SYN3: variants seen among roughly 807,000 people sequenced by gnomAD.
The protein encoded by SYN3 is synapsin III, also known as synapsin-3.
SYN3 carries 35 observed loss-of-function variants against 65.8 expected under a neutral mutation model. The observed-to-expected ratio is 0.53, with a 90% CI of 0.41 to 0.70. SYN3 has a LOEUF of 0.70. SYN3 is among the 30% of genes least tolerant of loss of function. SYN3 has a pLI of 0.00. For synonymous variants in SYN3, 270 were observed against 292.9 expected, an observed-to-expected ratio of 0.92 and a Z score of 0.80; for missense variants, 680 against 749.0, an observed-to-expected ratio of 0.91 and a Z score of 1.08.
At chr22:32,833,946 T>C (rs113946525) in intron 6 of SYN3, 1 of 488,006 alleles carries the variant, frequency 2.0e-6, no homozygotes, top group African/African-American at 2.0e-5. Context: ...ATTTTTATAA[T>C]TAGGGAAAGT....
rs142711773 is a variant in SYN3, at chr22:32,742,830, C to T, written c.711+122085G>A. ...TGCTTTAAAATATTCCGTCTTATCACGCCATTAATAGCAACACTAGCAACA... is the reference window on the plus strand; with the variant it reads ...TGCTTTAAAATATTCCGTCTTATCATGCCATTAATAGCAACACTAGCAACA... On this transcript the variant is annotated intron_variant, in intron 6 of 13. Coordinates refer to ENST00000358763, the MANE Select transcript of SYN3 (RefSeq NM_003490.4). 1.5e-3 allele frequency among the ~76,000 whole-genome samples: 221 copies of T among 152,282 alleles called. 1 individual carries two copies. Among genetic ancestry groups the T allele is most frequent in the Admixed American group, 2.9e-3 (45 of 15,294 alleles).
intron 1 of SYN3, among the ~76,000 whole-genome samples, chr22:33,028,691 ATGGTGGTGG>A (rs1170552905): frequency 1.7e-3 from 74 of 43,142 alleles, no homozygotes; most frequent in South Asian, 6.5e-3. Context: ...GGTGGTGGTG[ATGGTGGTGG>A]TGGTGGTGGT....
At chr22:32,663,902 A>C (rs1247612793) in intron 6 of SYN3, among the ~76,000 whole-genome samples, 2 of 151,556 alleles carry the variant, frequency 1.3e-5, no homozygotes, top group Non-Finnish European at 2.9e-5. Context: ...GGAAAGAAAA[A>C]GCTTTATATT....
At chr22:32,914,788 C>T (rs1317293743) in intron 4 of SYN3, among the ~76,000 whole-genome samples, 1 of 152,118 alleles carries the variant, frequency 6.6e-6, no homozygotes. Context: ...CATGGAAGCT[C>T]ACTAGCTTAT....
In SYN3 at chr22:32,869,980, T is replaced by A. The variant is rs1179727973; in HGVS notation, c.462-855A>T. 2.6e-5 allele frequency among the ~76,000 whole-genome samples: 4 copies of A among 152,106 alleles called. No individual in the cohort carries two copies. The East Asian group carries it at 7.7e-4, about 29-fold the overall frequency. Reference sequence around the variant, plus strand: ...CCAAGTCCACATGCTTTTGACTCCATCACAGGGCCCCAGGAGGATTCACAC... The same window carrying A: ...CCAAGTCCACATGCTTTTGACTCCAACACAGGGCCCCAGGAGGATTCACAC... On this transcript the variant is annotated intron_variant, in intron 4 of 13. Coordinates refer to ENST00000358763, the MANE Select transcript of SYN3 (RefSeq NM_003490.4).
chr22:32,617,921 T>C (rs1309054113), intron 6 of SYN3, among the ~76,000 whole-genome samples: 2 of 152,004 alleles, frequency 1.3e-5, no homozygotes, highest in African/African-American at 2.4e-5. Context: ...ACCTCTTCTA[T>C]CTGCCTTAGT....
chr22:32,721,520 C>T (rs2061117665), intron 6 of SYN3, among the ~76,000 whole-genome samples: 1 of 152,194 alleles, frequency 6.6e-6, no homozygotes, highest in Non-Finnish European at 1.5e-5. Flanking sequence ...TTTGATACAA[C>T]CCATTTCATT....
intron 6 of SYN3, among the ~76,000 whole-genome samples, chr22:32,703,878 A>G (rs2060844018): frequency 6.6e-6 from 1 of 152,192 alleles, no homozygotes; most frequent in Non-Finnish European, 1.5e-5. Flanking sequence ...TTTGATAAAA[A>G]TCATTGAAAT....
chr22:32,676,528 C>CTTTTTTTTTTTT (rs879196572), intron 6 of SYN3, among the ~76,000 whole-genome samples: 12 of 88,934 alleles, frequency 1.3e-4, no homozygotes, highest in African/African-American at 1.6e-4. Flanking sequence ...TCTTTTCTTT[C>CTTTTTTTTTTTT]TTTTTTTTTT....
chr22:32,824,096 G>A (rs1221967458), intron 6 of SYN3, among the ~76,000 whole-genome samples: 1 of 152,010 alleles, frequency 6.6e-6, no homozygotes, highest in Non-Finnish European at 1.5e-5. Context: ...GGCTAACACG[G>A]TGAAACCCCA....
At chr22:32,777,217 T>C (rs1011671065) in intron 6 of SYN3, among the ~76,000 whole-genome samples, 12 of 152,132 alleles carry the variant, frequency 7.9e-5, no homozygotes, top group Non-Finnish European at 4.4e-5. Context: ...AGCTAGTATA[T>C]TCTATCGAAA....
chr22:32,507,940 T>G lies in SYN3; in HGVS notation c.*5752A>C, dbSNP rs2057648788. On this transcript the variant is annotated 3_prime_UTR_variant, in exon 14 of 14. Coordinates refer to ENST00000358763, the MANE Select transcript of SYN3 (RefSeq NM_003490.4). Reference sequence around the variant, plus strand: ...CCACTCTAGGTTCCCACGCCGCCCCTAATCCCACTCGAAGCAGCCCTGAGA... The same window carrying G: ...CCACTCTAGGTTCCCACGCCGCCCCGAATCCCACTCGAAGCAGCCCTGAGA... Among the ~76,000 whole-genome samples, 1 of 151,796 alleles carries G rather than the reference T, an allele frequency of 6.6e-6. No homozygotes were observed. Among genetic ancestry groups the G allele is most frequent in the South Asian group, 2.1e-4 (1 of 4,810 alleles).
At chr22:32,895,800 A>G (rs1465620785) in intron 4 of SYN3, among the ~76,000 whole-genome samples, 2 of 152,196 alleles carry the variant, frequency 1.3e-5, no homozygotes, top group Non-Finnish European at 2.9e-5. Context: ...AGGGGTTCAA[A>G]GGGAGCCAGC....
intron 6 of SYN3, among the ~76,000 whole-genome samples, chr22:32,656,692 GT>G (rs1412590868): frequency 1.3e-5 from 2 of 152,198 alleles, no homozygotes; most frequent in African/African-American, 4.8e-5. Context: ...GCAGGACATA[GT>G]TTTTTGTTGT....
intron 4 of SYN3, among the ~76,000 whole-genome samples, chr22:32,922,142 T>C (rs901713215): frequency 6.6e-6 from 1 of 152,198 alleles, no homozygotes; most frequent in African/African-American, 2.4e-5. Flanking sequence ...CCTCTCCATA[T>C]TTTTCTTCCA....
At position 32,513,589 on chromosome 22, in the gene SYN3, G is replaced by C; in HGVS notation, c.*103C>G. ...AGGCATTTAGAAAGTATGTTCTCAG[G>C]CCCTCCATTCTGTTCCCATCAGGAA... On this transcript the variant is annotated 3_prime_UTR_variant, in exon 14 of 14. Transcript: ENST00000358763. The C allele has an allele frequency of 1.4e-6, 2 of 1,417,194 alleles. No homozygotes were observed. The highest frequency in any genetic ancestry group is 2.3e-5 in the East Asian group (1 of 43,388). 87.8% of individuals were successfully genotyped at this position (1,417,194 alleles called of 1,614,324 possible). A position where few individuals can be genotyped will look rare whatever the true frequency, so the allele number is the denominator to read the frequency against.
At chr22:33,018,473 G>C (rs1356694901) in intron 1 of SYN3, among the ~76,000 whole-genome samples, 8 of 152,178 alleles carry the variant, frequency 5.3e-5, no homozygotes, top group Admixed American at 3.9e-4. Context: ...GACAGAAAAA[G>C]AGACTTTATA....
intron 6 of SYN3, among the ~76,000 whole-genome samples, chr22:32,682,005 T>A (rs2060528530): frequency 1.3e-5 from 1 of 78,442 alleles, no homozygotes; most frequent in African/African-American, 3.4e-5. Context: ...GAGTTAGTCA[T>A]GTGGGATTGG....
chr22:32,848,542 G>T (rs905102661), intron 6 of SYN3, among the ~76,000 whole-genome samples: 1 of 152,114 alleles, frequency 6.6e-6, no homozygotes, highest in Non-Finnish European at 1.5e-5. Context: ...AATGGGAGCT[G>T]TTTTCATTGG....
Sources: allele counts gnomAD v4.1 joint callset (sites outside exome capture counted in the v4.1 genomes callset), GRCh38; gene constraint gnomAD v4.1.1; transcripts MANE v1.5; gene names NCBI Gene and HGNC (gene_info 2026-07-23, HGNC 2026-07-21).